The following GRIP2 variants were observed in gnomAD, a reference collection of about 807,000 sequenced individuals.
The protein encoded by GRIP2 is glutamate receptor-interacting protein 2.
Under a neutral mutation model 108.3 loss-of-function variants are expected in GRIP2, and 58 were observed. That is an observed-to-expected ratio of 0.54 (90% CI 0.43 to 0.67). GRIP2 has a LOEUF of 0.67. Among genes scored for constraint, GRIP2 ranks in the 30% least tolerant of loss-of-function variants. The pLI is 0.00. For synonymous variants in GRIP2, 586 were observed against 598.2 expected, an observed-to-expected ratio of 0.98 and a Z score of 0.30; for missense variants, 1,278 against 1,430.6, an observed-to-expected ratio of 0.89 and a Z score of 1.72.
intron 1 of GRIP2, 32 bp from the exon 2 acceptor site, chr3:14,525,963 C>A: frequency 6.5e-7 from 1 of 1,540,412 alleles, no homozygotes; most frequent in South Asian, 1.2e-5. Flanking sequence ...AGGCCGAGTT[C>A]CACTTTCGTT....
the GRIP2 span, among the ~76,000 whole-genome samples, chr3:14,572,044 A>G: frequency 7.0e-3 from 1,072 of 152,280 alleles, 9 homozygotes; most frequent in African/African-American, 0.023. Context: ...ATATATCTCA[A>G]TAAAGCTGTT....
intron 21 of GRIP2, among the ~76,000 whole-genome samples, chr3:14,497,612 A>G (rs1201762088): frequency 1.3e-5 from 2 of 152,228 alleles, no homozygotes; most frequent in Non-Finnish European, 1.5e-5. Flanking sequence ...CAGGAGCAGC[A>G]GGGAGCCCCT....
chr3:14,517,175 G>T lies in GRIP2; in HGVS notation c.1195C>A (p.His399Asn). 6.2e-7 allele frequency: 1 copy of T among 1,605,332 alleles called. No homozygotes were observed. The highest frequency in any genetic ancestry group is 2.3e-5 in the East Asian group (1 of 44,042). ...CTGGGGTTGTTGCAGGAAAAGGCGT[G>T]GTTCAAGGTCGGCGAGGAAAAGGGA... ...STPFSSPTLN[H>N]AFSCNNPSTL... The change falls in exon 11 of 24, where the codon CAC becomes AAC. Residue 399 changes from histidine (H) to asparagine (N), a missense_variant. Transcript: ENST00000621039.
chr3:14,558,771 GGCC>G (rs1695276869), upstream of GRIP2, among the ~76,000 whole-genome samples: 1 of 152,110 alleles, frequency 6.6e-6, no homozygotes, highest in Admixed American at 6.5e-5. Context: ...AGACCCCACA[GGCC>G]TCAGGGCCCA....
chr3:14,507,629 C>T lies in GRIP2; in HGVS notation c.2150G>A (p.Ser717Asn), dbSNP rs768885433. ...NNVSLKGRPL[S>N]EAIHLLQVAG... ...CACCTGCAGGAGGTGGATGGCCTCG[C>T]TCAGCGGCCGGCCCTTGAGGCTAAC... Residue 717 changes from serine (S) to asparagine (N), a missense_variant, in exon 18 of 24, where the codon AGC becomes AAC. Physicochemically the swap from Ser to Asn is conservative, Grantham distance 46 (BLOSUM62 1). Transcript: ENST00000621039. This position sits in a 1 kb window ranked among gnomAD's most constrained non-coding sequence, Gnocchi z 4.6. 1.2e-6 allele frequency: 2 copies of T among 1,613,890 alleles called. No homozygotes were observed. Among genetic ancestry groups the T allele is most frequent in the East Asian group, 4.5e-5 (2 of 44,902 alleles).
the GRIP2 span, among the ~76,000 whole-genome samples, chr3:14,598,596 G>C: frequency 1.3e-5 from 2 of 151,980 alleles, no homozygotes; most frequent in Middle Eastern, 3.4e-3. Context: ...CCAAAACTTT[G>C]GTCATTTTCG....
chr3:14,593,015 G>A, the GRIP2 span, among the ~76,000 whole-genome samples: 1 of 152,038 alleles, frequency 6.6e-6, no homozygotes, highest in Non-Finnish European at 1.5e-5. Flanking sequence ...TCCACTGATC[G>A]CACCCCTGCC....
At chr3:14,526,735 A>AG (rs2124932225) in intron 1 of GRIP2, among the ~76,000 whole-genome samples, 1 of 152,304 alleles carries the variant, frequency 6.6e-6, no homozygotes, top group East Asian at 1.9e-4. Context: ...AGATACGTCA[A>AG]GGGGTGCTTC....
In GRIP2 at chr3:14,493,489, G is replaced by A; in HGVS notation, c.*176C>T. Reference sequence around the variant, plus strand: ...ACTCCAACTAGGGCAGGACCTCCCTGCCTGGCACCCCAGTCACCACAGACC... The same window carrying A: ...ACTCCAACTAGGGCAGGACCTCCCTACCTGGCACCCCAGTCACCACAGACC... On this transcript the variant is annotated 3_prime_UTR_variant, in exon 24 of 24. Coordinates refer to ENST00000621039, the MANE Select transcript of GRIP2 (RefSeq NM_001080423.4). The A allele has an allele frequency of 1.3e-6, 1 of 776,328 alleles. No individual in the cohort carries two copies. The highest frequency in any genetic ancestry group is 2.0e-5 in the South Asian group (1 of 48,806). The allele number at this position is 776,328 out of a possible 1,614,324, so 48.1% of individuals were successfully genotyped here. A position where few individuals can be genotyped will look rare whatever the true frequency, so the allele number is the denominator to read the frequency against.
chr3:14,514,256 G>GAA, intron 12 of GRIP2, 36 bp downstream of exon 12: 1 of 1,519,290 alleles, frequency 6.6e-7, no homozygotes, highest in East Asian at 2.5e-5. Flanking sequence ...CTCTCAGAGA[G>GAA]TGGCAGGCTC....
chr3:14,571,007 G>A, the GRIP2 span, among the ~76,000 whole-genome samples: 1 of 152,134 alleles, frequency 6.6e-6, no homozygotes, highest in South Asian at 2.1e-4. Context: ...GCAGGGTGTT[G>A]GCAGCATCCC....
intron 1 of GRIP2, among the ~76,000 whole-genome samples, chr3:14,553,159 G>A (rs1000601287): frequency 1.4e-5 from 2 of 147,124 alleles, no homozygotes; most frequent in Non-Finnish European, 1.5e-5. Flanking sequence ...CCAGGCTGGT[G>A]TGCAGTGGCA....
At chr3:14,524,573 G>C in intron 3 of GRIP2, 35 bp from the exon 4 acceptor site, 1 of 1,545,498 alleles carries the variant, frequency 6.5e-7, no homozygotes, top group South Asian at 1.2e-5. Flanking sequence ...CATGGTAACA[G>C]GTGCTGGCCC....
the GRIP2 span, among the ~76,000 whole-genome samples, chr3:14,589,159 T>A: frequency 5.3e-5 from 8 of 152,344 alleles, no homozygotes; most frequent in African/African-American, 1.7e-4. Context: ...ACACAACCTA[T>A]TTCTTTAGCT....
chr3:14,553,542 A>G (rs1287623000), intron 1 of GRIP2, among the ~76,000 whole-genome samples: 1 of 152,122 alleles, frequency 6.6e-6, no homozygotes, highest in Non-Finnish European at 1.5e-5. Context: ...TCTAGAGGCA[A>G]TAACTACACC....
upstream of GRIP2, chr3:14,541,865 A>G (rs751527857): frequency 5.3e-6 from 7 of 1,322,850 alleles, no homozygotes; most frequent in Non-Finnish European, 7.0e-6. Context: ...GGACGGGGGT[A>G]CACGCACTCA....
intron 23 of GRIP2, among the ~76,000 whole-genome samples, chr3:14,494,498 G>C (rs544069679): frequency 6.6e-6 from 1 of 152,224 alleles, no homozygotes; most frequent in Non-Finnish European, 1.5e-5. Context: ...TCTGGGTGAA[G>C]GCGGAAAAAA....
chr3:14,602,704 G>C, the GRIP2 span, among the ~76,000 whole-genome samples: 2 of 151,956 alleles, frequency 1.3e-5, no homozygotes, highest in South Asian at 2.1e-4. This position sits in a 1 kb window ranked among gnomAD's most constrained non-coding sequence, Gnocchi z 4.7. Flanking sequence ...CTGGCTTTCC[G>C]GGACCAGGCT....
Position 14,493,511 on chromosome 3 carries a change from G to T in GRIP2, c.*154C>A. Reference sequence around the variant, plus strand: ...CCTGCCTGGCACCCCAGTCACCACAGACCTGGGGAACAGAGACCAAGCATC... The same window carrying T: ...CCTGCCTGGCACCCCAGTCACCACATACCTGGGGAACAGAGACCAAGCATC... On this transcript the variant is annotated 3_prime_UTR_variant, in exon 24 of 24. Coordinates refer to ENST00000621039, the MANE Select transcript of GRIP2 (RefSeq NM_001080423.4). 1.1e-6 allele frequency: 1 copy of T among 942,634 alleles called. No individual in the cohort carries two copies. The highest frequency in any genetic ancestry group is 1.5e-6 in the Non-Finnish European group (1 of 654,720). The allele number at this position is 942,634 out of a possible 1,614,324, so 58.4% of individuals were successfully genotyped here. A position where few individuals can be genotyped will look rare whatever the true frequency, so the allele number is the denominator to read the frequency against.
Sources: gnomAD v4.1 joint callset for allele counts (sites outside exome capture counted in the v4.1 genomes callset) on GRCh38, gnomAD v4.1.1 for gene constraint, Gnocchi (gnomAD v3.1) non-coding constraint, MANE v1.5 for transcripts, NCBI Gene and HGNC (gene_info 2026-07-23, HGNC 2026-07-21) for gene names.